The following CDHR1 variants were observed in gnomAD, a reference collection of about 807,000 sequenced individuals.
CDHR1 encodes the protein cadherin-related family member 1.
A neutral mutation model predicts 72.1 loss-of-function variants in CDHR1; 61 were observed. The ratio of observed to expected loss-of-function variants is 0.85; its 90% CI spans 0.69 to 1.05. The LOEUF (loss-of-function observed/expected upper bound fraction) is 1.05, where lower values mean the gene tolerates loss of function less well. Among genes scored for constraint, CDHR1 ranks in the 50% least tolerant of loss-of-function variants. CDHR1 has a pLI of 0.00. For synonymous variants in CDHR1, 470 were observed against 448.1 expected, an observed-to-expected ratio of 1.05 and a Z score of -0.62; for missense variants, 1,186 against 1,115.7, an observed-to-expected ratio of 1.06 and a Z score of -0.90.
rs1237861560 is a variant in CDHR1, at chr10:84,200,604, A to G, written c.442A>G (p.Ile148Val). The G allele has an allele frequency of 6.2e-7, 1 of 1,609,454 alleles. No homozygotes were observed. Among genetic ancestry groups the G allele is most frequent in the South Asian group, 1.1e-5 (1 of 89,758 alleles). ...EPYVALVPED[I>V]PAGSIIFKVH... ...CCTGTGGCTGTGACCCCCTCAGGAC[A>G]TACCTGCTGGGAGCATCATCTTTAA... Residue 148 changes from isoleucine (I) to valine (V), a missense_variant, in exon 6 of 17, where the codon ATA becomes GTA. Transcript: ENST00000623527.
Position 84,217,635 on chromosome 10 carries a change from C to A in CDHR1, c.*3014C>A. On this transcript the variant is annotated 3_prime_UTR_variant, in exon 17 of 17. Transcript: ENST00000623527. ...TCTACTTACACAAGCTCAGTAGACA[C>A]TTGCCGTGACTGTGGCCCACATACT... 1 of 985,492 alleles carries A rather than the reference C, an allele frequency of 1.0e-6. No individual in the cohort carries two copies. The highest frequency in any genetic ancestry group is 1.2e-6 in the Non-Finnish European group (1 of 829,952). 61.0% of individuals were successfully genotyped at this position (985,492 alleles called of 1,614,324 possible).
intron 7 of CDHR1, among the ~76,000 whole-genome samples, 165 bp from the exon 8 acceptor site, chr10:84,202,815 C>T (rs968458285): frequency 1.3e-5 from 2 of 152,236 alleles, no homozygotes; most frequent in Non-Finnish European, 2.9e-5. Flanking sequence ...CCCAACACTC[C>T]TGTGAGAGAA....
At chr10:84,195,754 G>C (rs1186198607) in intron 2 of CDHR1, among the ~76,000 whole-genome samples, 165 bp downstream of exon 2, 2 of 152,232 alleles carry the variant, frequency 1.3e-5, no homozygotes, top group African/African-American at 4.8e-5. Context: ...GGTCATTGCT[G>C]CCATGGCGAC....
rs1842361694 is a variant in CDHR1, at chr10:84,212,946, G to A, written c.1783-145G>A. The A allele has an allele frequency of 3.8e-6, 4 of 1,048,424 alleles. No individual in the cohort carries two copies. In the Admixed American group the frequency reaches 5.6e-5, roughly 15 times the overall value. 64.9% of individuals were successfully genotyped at this position (1,048,424 alleles called of 1,614,324 possible). On this transcript the variant is annotated intron_variant, in intron 15 of 16. Transcript: ENST00000623527. ...TGGCTTATAGGAGAGCATGCATTCT[G>A]TTCCTTTCCCAACTCAATCCTCTCA... is the stretch of plus-strand genomic sequence containing the variant.
In CDHR1 at chr10:84,212,341, C is replaced by T; in HGVS notation, c.1716C>T (p.His572=). 12 of 1,614,154 alleles carry T rather than the reference C, an allele frequency of 7.4e-6. No individual in the cohort carries two copies. Among genetic ancestry groups the T allele is most frequent in the Non-Finnish European group, 1.0e-5 (12 of 1,179,998 alleles). Residue 572 remains histidine (H), a synonymous_variant, in exon 15 of 17, where the codon CAC becomes CAT. Transcript: ENST00000623527. The stretch of plus-strand genomic sequence containing the variant: ...TCACACTGCTGGATGTCAATGACCA[C>T]CCCCCTCAGTTTGGAAAGAGCGTTC... The part of the protein sequence containing the change: ...VFITLLDVND[H]PPQFGKSVQK...
At chr10:84,219,382 G>A, downstream of CDHR1, 1 of 1,488,660 alleles carries the variant, frequency 6.7e-7, no homozygotes. Context: ...ACATGCTCCT[G>A]GCTCTCCCCT....
chr10:84,207,582 A>T (rs1165807295), intron 10 of CDHR1, among the ~76,000 whole-genome samples: 1 of 152,190 alleles, frequency 6.6e-6, no homozygotes, highest in African/African-American at 2.4e-5. Flanking sequence ...TTCACAAGGT[A>T]CCTATGGGAT....
chr10:84,205,969 C>A lies in CDHR1; in HGVS notation c.963+42C>A, dbSNP rs199650719. ...TTTGTCTTCCCTGCCCACCTTTGGCCCTGGAAGTCTATAAAGGTGAAGACA... is the reference window on the plus strand; with the variant it reads ...TTTGTCTTCCCTGCCCACCTTTGGCACTGGAAGTCTATAAAGGTGAAGACA... On this transcript the variant is annotated intron_variant, in intron 10 of 16. Transcript: ENST00000623527. 4.1e-5 allele frequency: 60 copies of A among 1,477,840 alleles called. No homozygotes were observed. In the East Asian group the frequency reaches 1.3e-3, roughly 32 times the overall value. The allele number at this position is 1,477,840 out of a possible 1,614,324, so 91.5% of individuals were successfully genotyped here.
chr10:84,199,813 C>T (rs1842091282), intron 5 of CDHR1, among the ~76,000 whole-genome samples: 1 of 152,182 alleles, frequency 6.6e-6, no homozygotes, highest in Non-Finnish European at 1.5e-5. Flanking sequence ...TGTTTGCTCC[C>T]TCCTGCAATG....
chr10:84,215,494 A>G lies in CDHR1; in HGVS notation c.*873A>G. On this transcript the variant is annotated 3_prime_UTR_variant, in exon 17 of 17. Transcript: ENST00000623527. ...AATATCAGGGCTGAGATGTGGTGAG[A>G]CTTCCGTTTTTATCCAGCTCTTTTG... is the stretch of plus-strand genomic sequence containing the variant. The G allele has an allele frequency of 1.0e-6, 1 of 973,074 alleles. No homozygotes were observed. Among genetic ancestry groups the G allele is most frequent in the Non-Finnish European group, 1.2e-6 (1 of 818,734 alleles). The allele number at this position is 973,074 out of a possible 1,614,324, so 60.3% of individuals were successfully genotyped here. A position where few individuals can be genotyped will look rare whatever the true frequency, so the allele number is the denominator to read the frequency against.
chr10:84,201,792 C>T lies in CDHR1; in HGVS notation c.526-15C>T. ...GCATTCTTGCTGAGGTCCAGCTGCCCCCTAATTCTTATAGAACCTGCACTC... is the reference window on the plus strand; with the variant it reads ...GCATTCTTGCTGAGGTCCAGCTGCCTCCTAATTCTTATAGAACCTGCACTC... On this transcript the variant is annotated splice_polypyrimidine_tract_variant and intron_variant, in intron 6 of 16. Transcript: ENST00000623527. 1 of 1,605,034 alleles carries T rather than the reference C, an allele frequency of 6.2e-7. No homozygotes were observed.
At position 84,216,285 on chromosome 10, in the gene CDHR1, G is replaced by A; in HGVS notation, c.*1664G>A. 1.0e-6 allele frequency: 1 copy of A among 985,540 alleles called. No individual in the cohort carries two copies. The highest frequency in any genetic ancestry group is 1.2e-6 in the Non-Finnish European group (1 of 829,982). The allele number at this position is 985,540 out of a possible 1,614,324, so 61.0% of individuals were successfully genotyped here. ...CTGTGTTTGGAGGTGTTACTGAGAT[G>A]TGCCAGTGTGCAGAATCCTTGCTGG... On this transcript the variant is annotated 3_prime_UTR_variant, in exon 17 of 17. Coordinates refer to ENST00000623527, the MANE Select transcript of CDHR1 (RefSeq NM_033100.4).
rs115240549 is a variant in CDHR1 at position 84,196,971 on chromosome 10, G to A, written c.297+321G>A. Among the ~76,000 whole-genome samples, 1,479 of 152,312 alleles carry A rather than the reference G, an allele frequency of 9.7e-3. 15 individuals are homozygous for A. The highest frequency in any genetic ancestry group is 0.033 in the African/African-American group (1,377 of 41,562). On this transcript the variant is annotated intron_variant, in intron 3 of 16. Transcript: ENST00000623527. ...AGGTTTCTGAAAGAAACCTCACAAAGTGATTTTTCAAGCCTGTCCTGGGAG... is the reference window on the plus strand; with the variant it reads ...AGGTTTCTGAAAGAAACCTCACAAAATGATTTTTCAAGCCTGTCCTGGGAG...
chr10:84,202,956 C>T (rs1842154221), intron 7 of CDHR1, 24 bp from the exon 8 acceptor site: 3 of 1,614,122 alleles, frequency 1.9e-6, no homozygotes, highest in Non-Finnish European at 2.5e-6. Flanking sequence ...CTTCACTCTC[C>T]TGTGGCCTCC....
rs1842279298 is a variant in CDHR1 at position 84,208,849 on chromosome 10, G to A, written c.1288G>A (p.Asp430Asn). Reference protein sequence around the residue: ...TIIVENSAAIDFEKSKVLTFK... With the variant: ...TIIVENSAAINFEKSKVLTFK... The stretch of plus-strand genomic sequence containing the variant: ...CATTGTGGAGAACTCAGCTGCCATT[G>A]ACTTTGAAAAGTCCAAAGTATTAAC... The change falls in exon 12 of 17, where the codon GAC becomes AAC. Residue 430 changes from aspartate to asparagine, a missense_variant. Physicochemically the swap from Asp to Asn is conservative, Grantham distance 23. Coordinates refer to ENST00000623527, the MANE Select transcript of CDHR1 (RefSeq NM_033100.4). 1 of 1,614,046 alleles carries A rather than the reference G, an allele frequency of 6.2e-7. No homozygotes were observed. The highest frequency in any genetic ancestry group is 1.3e-5 in the African/African-American group (1 of 74,926).
intron 10 of CDHR1, among the ~76,000 whole-genome samples, chr10:84,207,587 T>A (rs1842249867): frequency 6.6e-6 from 1 of 152,240 alleles, no homozygotes; most frequent in South Asian, 2.1e-4. Flanking sequence ...AAGGTACCTA[T>A]GGGATCTTTG....
rs1842162707 is a variant in CDHR1 at position 84,203,201 on chromosome 10, G to A, written c.783+78G>A. On this transcript the variant is annotated intron_variant, in intron 8 of 16. Transcript: ENST00000623527. ...ACCCTTGTGATTTTAGGGACCCCCT[G>A]CTGGAGATGGCTGGTCTGGTCCCGG... 1.9e-6 allele frequency: 3 copies of A among 1,565,850 alleles called. 1 individual carries two copies. Among genetic ancestry groups the A allele is most frequent in the Non-Finnish European group, 2.6e-6 (3 of 1,139,898 alleles).
At chr10:84,219,606 T>C (rs1842478359), downstream of CDHR1, 2 of 220,462 alleles carry the variant, frequency 9.1e-6, no homozygotes, top group Non-Finnish European at 8.9e-6. Context: ...CGAGACTGGG[T>C]AATTTATAGA....
chr10:84,200,805 A>C, intron 6 of CDHR1, 118 bp downstream of exon 6: 1 of 739,352 alleles, frequency 1.4e-6, no homozygotes, highest in Non-Finnish European at 2.4e-6. Flanking sequence ...CGAGAAGTAC[A>C]TGAAGGGTTG....
Sources: gnomAD v4.1 joint callset for allele counts (sites outside exome capture counted in the v4.1 genomes callset) on GRCh38, gnomAD v4.1.1 for gene constraint, MANE v1.5 for transcripts, NCBI Gene and HGNC (gene_info 2026-07-23, HGNC 2026-07-21) for gene names.